The following TDRD1 variants were observed in gnomAD, a reference collection of about 807,000 sequenced individuals.
TDRD1 encodes tudor domain containing 1.
A neutral mutation model predicts 140.6 loss-of-function variants in TDRD1; 37 were observed. The ratio of observed to expected loss-of-function variants is 0.26; its 90% CI spans 0.20 to 0.35. The LOEUF (loss-of-function observed/expected upper bound fraction) is 0.35, where lower values mean the gene tolerates loss of function less well. Among genes scored for constraint, TDRD1 ranks in the 10% least tolerant of loss-of-function variants. The pLI is 1.00. For missense variants in TDRD1, 1,243 were observed against 1,393.0 expected (o/e 0.89, Z 1.71); for synonymous variants, 506 against 475.7 (o/e 1.06, Z -0.83).
chr10:114,227,223 C>A, exon 23 of TDRD1: 1 of 1,614,014 alleles, frequency 6.2e-7, no homozygotes, highest in South Asian at 1.1e-5. Context: ...ATGGGACTGT[C>A]GATGTAGCTG....
At chr10:114,219,117 A>G (rs1382323732) in intron 18 of TDRD1, among the ~76,000 whole-genome samples, 1 of 152,238 alleles carries the variant, frequency 6.6e-6, no homozygotes, top group Non-Finnish European at 1.5e-5. Flanking sequence ...TTGCACAGTC[A>G]TTAAGATGAT....
chr10:114,228,717 T>C, intron 25 of TDRD1: 3 of 985,076 alleles, frequency 3.0e-6, no homozygotes, highest in Non-Finnish European at 3.6e-6. Flanking sequence ...CCCACCCCCA[T>C]ATTTTAAATG....
exon 23 of TDRD1, chr10:114,227,114 T>C (rs1040215321): frequency 6.3e-7 from 1 of 1,591,718 alleles, no homozygotes; most frequent in Non-Finnish European, 8.6e-7. Context: ...TTAATAATAA[T>C]GCTATTAAAA....
intron 10 of TDRD1, 117 bp from the exon 11 acceptor site, chr10:114,206,127 A>G: frequency 1.3e-6 from 1 of 753,016 alleles, no homozygotes; most frequent in Non-Finnish European, 2.2e-6. Flanking sequence ...AACATATACC[A>G]ACCTATTAAT....
chr10:114,190,850 C>T (rs1211897427), intron 2 of TDRD1, 111 bp from the exon 3 acceptor site: 6 of 1,012,116 alleles, frequency 5.9e-6, no homozygotes, highest in African/African-American at 1.6e-5. Context: ...GCTATAAGGT[C>T]ATTGTGGTAT....
Position 114,192,054 on chromosome 10 carries a change from AT to A in TDRD1, c.384+1047del, listed in dbSNP as rs146888592. Among the ~76,000 whole-genome samples, 473 of 145,440 alleles carry A rather than the reference AT, an allele frequency of 3.3e-3. 3 individuals are homozygous for A. Among genetic ancestry groups the A allele is most frequent in the African/African-American group, 9.1e-3 (363 of 39,898 alleles). On this transcript the variant is annotated intron_variant, in intron 3 of 25. Transcript: ENST00000251864. ...TTTCATGTCTTTTGTCTATTTTCTA[AT>A]TTTTTTTTTTTACCGTTGTTTTGAA...
At chr10:114,229,190 T>G (rs1271339780) in intron 25 of TDRD1, among the ~76,000 whole-genome samples, 1 of 152,210 alleles carries the variant, frequency 6.6e-6, no homozygotes, top group Non-Finnish European at 1.5e-5. Flanking sequence ...GCAAAGGAAC[T>G]TTGATTTACT....
At chr10:114,224,408 G>A (rs960744743) in intron 21 of TDRD1, among the ~76,000 whole-genome samples, 5 of 152,066 alleles carry the variant, frequency 3.3e-5, no homozygotes, top group Admixed American at 6.6e-5. Context: ...TTTTTCTACC[G>A]TTTTGCTGGG....
intron 1 of TDRD1, among the ~76,000 whole-genome samples, chr10:114,186,358 A>C (rs192085752): frequency 6.6e-6 from 1 of 151,796 alleles, no homozygotes; most frequent in Non-Finnish European, 1.5e-5. Flanking sequence ...CCGCCTCCTG[A>C]GTTCATGCCA....
At chr10:114,215,398 G>T (rs1487052141) in intron 16 of TDRD1, among the ~76,000 whole-genome samples, 1 of 152,076 alleles carries the variant, frequency 6.6e-6, no homozygotes, top group Non-Finnish European at 1.5e-5. Context: ...CATTTTCATG[G>T]AGTCCAAACC....
rs144742972 is a variant in TDRD1, at chr10:114,194,088, G to A, written c.384+3069G>A. ...TACAATTATTTTTATGTATTGCTGA[G>A]TTCTATCTGGTAATATTTTGATAAG... On this transcript the variant is annotated intron_variant, in intron 3 of 25. Transcript: ENST00000251864. Among the ~76,000 whole-genome samples, 672 of 152,236 alleles carry A rather than the reference G, an allele frequency of 4.4e-3. 5 individuals are homozygous for A. The highest frequency in any genetic ancestry group is 0.015 in the African/African-American group (633 of 41,536).
intron 11 of TDRD1, among the ~76,000 whole-genome samples, chr10:114,209,295 C>T (rs923793654): frequency 1.3e-5 from 2 of 152,148 alleles, no homozygotes; most frequent in African/African-American, 4.8e-5. Context: ...ATCCAGATCT[C>T]CCACTCCACC....
intron 11 of TDRD1, among the ~76,000 whole-genome samples, chr10:114,206,592 C>T (rs775401795): frequency 2.0e-5 from 3 of 149,906 alleles, no homozygotes; most frequent in Non-Finnish European, 1.5e-5. Flanking sequence ...AATATCATAA[C>T]ACTTTAGAGT....
At chr10:114,231,256 A>G (rs2036737916) in intron 25 of TDRD1, among the ~76,000 whole-genome samples, 1 of 152,174 alleles carries the variant, frequency 6.6e-6, no homozygotes, top group South Asian at 2.1e-4. Context: ...ATATAAGGAG[A>G]GTGCAAACAA....
At position 114,201,492 on chromosome 10, in the gene TDRD1, C is replaced by T. The variant is rs755774670; in HGVS notation, c.612C>T (p.Ile204=). The T allele has an allele frequency of 1.9e-6, 3 of 1,613,230 alleles. No individual in the cohort carries two copies. Among genetic ancestry groups the T allele is most frequent in the South Asian group, 1.1e-5 (1 of 91,048 alleles). Residue 204 remains isoleucine (I), a synonymous_variant, in exon 5 of 26, where the codon ATC becomes ATT. Coordinates refer to ENST00000251864, the Ensembl canonical transcript of TDRD1. ...GAAGAGACTGGTCTGCACACAGCATCGTGTGCAGGCCTGTTCAGCCAAAGT... is the reference window on the plus strand; with the variant it reads ...GAAGAGACTGGTCTGCACACAGCATTGTGTGCAGGCCTGTTCAGCCAAAGT...
chr10:114,203,237 T>G, intron 7 of TDRD1, 61 bp downstream of exon 7: 1 of 1,513,060 alleles, frequency 6.6e-7, no homozygotes, highest in Non-Finnish European at 9.1e-7. Context: ...TATTCTCGTT[T>G]CCTATTTTTG....
In TDRD1 at chr10:114,186,771, C is replaced by T. The variant is rs1010298713; in HGVS notation, c.-6-1055C>T. Among the ~76,000 whole-genome samples, 4 of 152,226 alleles carry T rather than the reference C, an allele frequency of 2.6e-5. No individual in the cohort carries two copies. In the South Asian group the frequency reaches 8.3e-4, roughly 32 times the overall value. On this transcript the variant is annotated intron_variant, in intron 1 of 25. Transcript: ENST00000251864. Reference sequence around the variant, plus strand: ...TGGTCCAATAAGAGTTCCCTACTTTCGAGGGTGCCTGTATATTTTTGTTTT... The same window carrying T: ...TGGTCCAATAAGAGTTCCCTACTTTTGAGGGTGCCTGTATATTTTTGTTTT...
intron 11 of TDRD1, among the ~76,000 whole-genome samples, chr10:114,209,057 C>G (rs2035313569): frequency 6.6e-6 from 1 of 152,112 alleles, no homozygotes; most frequent in Non-Finnish European, 1.5e-5. Flanking sequence ...GCTCTGATTA[C>G]AAGCGTGAGC....
At chr10:114,216,812 G>A (rs1564960872) in intron 16 of TDRD1, among the ~76,000 whole-genome samples, 1 of 152,174 alleles carries the variant, frequency 6.6e-6, no homozygotes, top group Non-Finnish European at 1.5e-5. Flanking sequence ...TCTGAAAGGT[G>A]AAACATCTGA....
Sources: allele counts gnomAD v4.1 joint callset (sites outside exome capture counted in the v4.1 genomes callset), GRCh38; gene constraint gnomAD v4.1.1; transcripts MANE v1.5; gene names NCBI Gene and HGNC (gene_info 2026-07-23, HGNC 2026-07-21).